Variants in KIAA2012 observed in about 807,000 individuals in gnomAD.
The protein encoded by KIAA2012 is KIAA2012, also known as uncharacterized protein KIAA2012.
KIAA2012 carries 125 observed loss-of-function variants against 150.6 expected under a neutral mutation model. That is an observed-to-expected ratio of 0.83 (90% confidence interval 0.72 to 0.96). KIAA2012 has a LOEUF of 0.96. KIAA2012 is among the 40% of genes least tolerant of loss of function. The pLI, the probability that KIAA2012 is intolerant of heterozygous loss-of-function variation, is 0.00. For synonymous variants in KIAA2012, 462 were observed against 504.7 expected (o/e 0.92, Z 1.13); for missense variants, 1,219 against 1,354.9 (o/e 0.90, Z 1.57).
chr2:202,137,390 C>G (rs1424395289), intron 12 of KIAA2012: 1 of 148,538 alleles, frequency 6.7e-6, no homozygotes, highest in African/African-American at 2.5e-5. Context: ...GATCTCAGCT[C>G]ACTGCAACCT....
intron 3 of KIAA2012, among the ~76,000 whole-genome samples, chr2:202,091,413 G>C (rs1033576174): frequency 6.6e-6 from 1 of 152,160 alleles, no homozygotes; most frequent in East Asian, 1.9e-4. Context: ...GGTGATCCCA[G>C]GTCCTCCCGG....
intron 15 of KIAA2012, among the ~76,000 whole-genome samples, chr2:202,184,517 C>T (rs574904039): frequency 3.7e-4 from 57 of 152,230 alleles, no homozygotes; most frequent in African/African-American, 1.3e-3. Context: ...TTTCTGATCA[C>T]TGATACATAC....
intron 4 of KIAA2012, among the ~76,000 whole-genome samples, chr2:202,096,001 T>C (rs1246126269): frequency 1.3e-5 from 2 of 152,090 alleles, no homozygotes; most frequent in African/African-American, 2.4e-5. Flanking sequence ...GGAGAATCGC[T>C]TGAACCTGGG....
At chr2:202,194,114 C>T (rs1302076906) in intron 20 of KIAA2012, 76 bp from the exon 21 acceptor site, 11 of 1,478,946 alleles carry the variant, frequency 7.4e-6, no homozygotes, top group African/African-American at 1.4e-5. Flanking sequence ...CCCCCATGGG[C>T]ACTGTCTGTT....
chr2:202,076,875 C>A, intron 2 of KIAA2012: 1 of 433,174 alleles, frequency 2.3e-6, no homozygotes, highest in Non-Finnish European at 4.6e-6. Flanking sequence ...GCATCACAGG[C>A]AGGTTGACCA....
At chr2:202,123,605 G>C (rs1302372153) in intron 11 of KIAA2012, among the ~76,000 whole-genome samples, 1 of 152,106 alleles carries the variant, frequency 6.6e-6, no homozygotes, top group Non-Finnish European at 1.5e-5. Flanking sequence ...CCCCACCGCA[G>C]TTTAGCAAAT....
chr2:202,148,937 G>A (rs1295339823), intron 13 of KIAA2012, among the ~76,000 whole-genome samples: 1 of 152,246 alleles, frequency 6.6e-6, no homozygotes, highest in African/African-American at 2.4e-5. Flanking sequence ...TCCCAGGTAC[G>A]CTCAGCCCCA....
intron 14 of KIAA2012, 130 bp from the exon 15 acceptor site, chr2:202,165,154 A>G: frequency 1.2e-6 from 1 of 802,120 alleles, no homozygotes; most frequent in Non-Finnish European, 1.9e-6. Flanking sequence ...TAAAAAGTTG[A>G]CGAAGAAGGA....
chr2:202,179,467 T>G, intron 15 of KIAA2012: 1 of 710,044 alleles, frequency 1.4e-6, no homozygotes, highest in South Asian at 1.4e-5. Context: ...TTCTGTATGA[T>G]GAGCGAAGTG....
intron 22 of KIAA2012, among the ~76,000 whole-genome samples, chr2:202,200,221 G>A (rs1692491180): frequency 6.6e-6 from 1 of 152,090 alleles, no homozygotes; most frequent in South Asian, 2.1e-4. Context: ...GTGAGCCACT[G>A]CACCCAGCCA....
rs937114333 is a variant in KIAA2012 at position 202,204,973 on chromosome 2, CTTTAT to C, written c.*21-21_*21-17del. On this transcript the variant is annotated intron_variant, in intron 23 of 23. Coordinates refer to ENST00000498697, the MANE Select transcript of KIAA2012 (RefSeq NM_001277372.4). ...TTGTGGGGGAAATTACCATTGCTGA[CTTTAT>C]TTTCTCCCTTTTGTTACAGATTTAG... 2 of 152,170 alleles carry C rather than the reference CTTTAT, an allele frequency of 1.3e-5. No individual in the cohort carries two copies. The highest frequency in any genetic ancestry group is 1.3e-4 in the Admixed American group (2 of 15,274). 9.4% of individuals were successfully genotyped at this position (152,170 alleles called of 1,614,324 possible). A position where few individuals can be genotyped will look rare whatever the true frequency, so the allele number is the denominator to read the frequency against.
At chr2:202,129,297 G>A (rs542888800) in intron 12 of KIAA2012, among the ~76,000 whole-genome samples, 72 of 149,986 alleles carry the variant, frequency 4.8e-4, no homozygotes, top group African/African-American at 1.7e-3. Context: ...TTGGCTCACT[G>A]CAACCTTCAT....
At position 202,104,581 on chromosome 2, in the gene KIAA2012, A is replaced by G. The variant is rs544555960; in HGVS notation, c.1325-1180A>G. ...GCAGATTTAGAATTGTCTAGTTTGA[A>G]TAATTCAGCCAGCTCTGCAGCATAG... On this transcript the variant is annotated intron_variant, in intron 8 of 23. Transcript: ENST00000498697. The surrounding 1 kb of genome is among the most constrained non-coding windows in gnomAD (Gnocchi z 4.3). Among the ~76,000 whole-genome samples the G allele has an allele frequency of 5.9e-5, 9 of 152,352 alleles. No homozygotes were observed. Among genetic ancestry groups the G allele is most frequent in the Middle Eastern group, 3.4e-3 (1 of 294 alleles).
In KIAA2012 at chr2:202,167,084, G is replaced by A. The variant is rs188513898; in HGVS notation, c.2119+1728G>A. Among the ~76,000 whole-genome samples, 23 of 151,756 alleles carry A rather than the reference G, an allele frequency of 1.5e-4. No individual in the cohort carries two copies. The East Asian group carries it at 3.9e-3, about 26-fold the overall frequency. Reference sequence around the variant, plus strand: ...AGCTACTCAGGAGGCTGAGGCAGGAGAATGGCATGAACCCAGCAGGCGGAG... The same window carrying A: ...AGCTACTCAGGAGGCTGAGGCAGGAAAATGGCATGAACCCAGCAGGCGGAG... On this transcript the variant is annotated intron_variant, in intron 15 of 23. Transcript: ENST00000498697.
Position 202,100,438 on chromosome 2 carries a change from A to C in KIAA2012, c.1144A>C (p.Lys382Gln). The C allele has an allele frequency of 5.2e-6, 8 of 1,550,242 alleles. No homozygotes were observed. The highest frequency in any genetic ancestry group is 7.0e-6 in the Non-Finnish European group (8 of 1,146,790). ...GSRIITPGEVKKKKAPKALKL... is the reference protein window; with the variant it reads ...GSRIITPGEVQKKKAPKALKL... Reference sequence around the variant, plus strand: ...CAGAATAATCACCCCTGGGGAAGTGAAGAAGAAAAAGGTTGTGTGTATATG... The same window carrying C: ...CAGAATAATCACCCCTGGGGAAGTGCAGAAGAAAAAGGTTGTGTGTATATG... The change falls in exon 7 of 24, where the codon AAG becomes CAG. Residue 382 changes from lysine to glutamine, a missense_variant. Coordinates refer to ENST00000498697, the MANE Select transcript of KIAA2012 (RefSeq NM_001277372.4).
At chr2:202,091,391 T>C (rs923507264) in intron 3 of KIAA2012, among the ~76,000 whole-genome samples, 1 of 152,224 alleles carries the variant, frequency 6.6e-6, no homozygotes, top group Non-Finnish European at 1.5e-5. Flanking sequence ...CATTCCTTAG[T>C]ACCCCATCTG....
chr2:202,073,900 T>A (rs907324733), intron 1 of KIAA2012, among the ~76,000 whole-genome samples, 189 bp downstream of exon 1: 5 of 151,796 alleles, frequency 3.3e-5, no homozygotes, highest in African/African-American at 9.7e-5. Context: ...ACACCGAGAT[T>A]GCCCCTGAGG....
chr2:202,078,808 C>G (rs1291049410), intron 2 of KIAA2012, among the ~76,000 whole-genome samples: 1 of 152,146 alleles, frequency 6.6e-6, no homozygotes, highest in African/African-American at 2.4e-5. Flanking sequence ...GAGTGACTCA[C>G]TCAAAGTTAT....
intron 22 of KIAA2012, among the ~76,000 whole-genome samples, chr2:202,199,044 A>G (rs1692464719): frequency 6.6e-6 from 1 of 152,228 alleles, no homozygotes; most frequent in African/African-American, 2.4e-5. Context: ...AACTATTGGG[A>G]GTTCCAACTT....
Sources: allele counts gnomAD v4.1 joint callset (sites outside exome capture counted in the v4.1 genomes callset), GRCh38; gene constraint gnomAD v4.1.1; non-coding constraint Gnocchi (gnomAD v3.1); transcripts MANE v1.5; gene names NCBI Gene and HGNC (gene_info 2026-07-23, HGNC 2026-07-21).